ZNF195: variants seen among roughly 807,000 people sequenced by gnomAD.
The protein encoded by ZNF195 is zinc finger protein 195.
A neutral mutation model predicts 19.5 loss-of-function variants in ZNF195; 11 were observed. That is an observed-to-expected ratio of 0.57 (90% CI 0.36 to 0.94). ZNF195 has a LOEUF of 0.94. Ranked by LOEUF, ZNF195 falls within the 40% of genes least tolerant of loss-of-function variation. The probability of loss-of-function intolerance (pLI) is 0.01; values close to 1 mark genes in which losing one functional copy is unlikely to be tolerated. For synonymous variants in ZNF195, 214 were observed against 248.1 expected (o/e 0.86, Z 1.29); for missense variants, 582 against 709.0 (o/e 0.82, Z 2.03).
intron 3 of ZNF195, among the ~76,000 whole-genome samples, chr11:3,366,136 C>T (rs1437436134): frequency 2.0e-5 from 3 of 150,688 alleles, no homozygotes; most frequent in Middle Eastern, 3.4e-3. Flanking sequence ...TGGTGGCGGG[C>T]GCCTGTAGTC....
intron 1 of ZNF195, among the ~76,000 whole-genome samples, chr11:3,377,320 ACCTCCAT>A (rs1849513748): frequency 6.6e-6 from 1 of 152,092 alleles, no homozygotes; most frequent in Admixed American, 6.6e-5. Flanking sequence ...AGATTCTCCC[ACCTCCAT>A]CCTGTTCACC....
chr11:3,369,319 G>A (rs1849063408), intron 3 of ZNF195: 1 of 228,850 alleles, frequency 4.4e-6, no homozygotes, highest in Non-Finnish European at 9.1e-6. Flanking sequence ...ACCAGGGTGG[G>A]GGGGCGTTAT....
Position 3,377,727 on chromosome 11 carries a change from G to C in ZNF195, c.3+1311C>G, listed in dbSNP as rs1849536043. 5 of 1,090,718 alleles carry C rather than the reference G, an allele frequency of 4.6e-6. No individual in the cohort carries two copies. In the South Asian group the frequency reaches 9.6e-5, roughly 21 times the overall value. The allele number at this position is 1,090,718 out of a possible 1,614,324, so 67.6% of individuals were successfully genotyped here. A position where few individuals can be genotyped will look rare whatever the true frequency, so the allele number is the denominator to read the frequency against. On this transcript the variant is annotated intron_variant, in intron 1 of 5. Coordinates refer to ENST00000399602, the MANE Select transcript of ZNF195 (RefSeq NM_001130520.3). Reference sequence around the variant, plus strand: ...GGCTGTCCTCTGAGAAATAACCCAGGGCCTGAAATTCACTAGATGCTCCAG... The same window carrying C: ...GGCTGTCCTCTGAGAAATAACCCAGCGCCTGAAATTCACTAGATGCTCCAG...
chr11:3,371,171 A>G, intron 2 of ZNF195, 101 bp from the exon 3 acceptor site: 1 of 1,113,314 alleles, frequency 9.0e-7, no homozygotes, highest in South Asian at 1.7e-5. Flanking sequence ...GATTCTAGAA[A>G]ATTAATCCCA....
Position 3,359,586 on chromosome 11 carries a change from G to A in ZNF195, c.1422C>T (p.Val474=). 6.2e-7 allele frequency: 1 copy of A among 1,614,172 alleles called. No homozygotes were observed. Among genetic ancestry groups the A allele is most frequent in the Non-Finnish European group, 8.5e-7 (1 of 1,180,034 alleles). The part of the protein sequence containing the change: ...KPYQCEECGK[V]FRTCSSLSNH... ...TAGAAAGGCTTGAGCAAGTTCTGAA[G>A]ACCTTCCCACATTCTTCACATTGGT... The change falls in exon 6 of 6, where the codon GTC becomes GTT. Residue 474 remains valine, a synonymous_variant. Transcript: ENST00000399602. This position sits in a 1 kb window ranked among gnomAD's most constrained non-coding sequence, Gnocchi z 5.5.
chr11:3,373,560 A>T (rs140700113), intron 1 of ZNF195: 1 of 1,542,708 alleles, frequency 6.5e-7, no homozygotes, highest in African/African-American at 1.4e-5. Flanking sequence ...ACAACCCCTG[A>T]CCTGAGATGC....
chr11:3,361,413 C>A (rs1186338032), intron 4 of ZNF195, among the ~76,000 whole-genome samples: 1 of 151,952 alleles, frequency 6.6e-6, no homozygotes, highest in Non-Finnish European at 1.5e-5. Context: ...CATAAATTAA[C>A]TGAAGAAAAT....
At chr11:3,377,923 G>A in intron 1 of ZNF195, 1 of 986,132 alleles carries the variant, frequency 1.0e-6, no homozygotes, top group Non-Finnish European at 1.2e-6. Flanking sequence ...AAAAGGAGGA[G>A]AGGCACAAAG....
rs1849624518 is a variant in ZNF195, at chr11:3,379,082, C to G, written c.-42G>C. ...AGCCTGGCGTTTCACTTCTGGATCT[C>G]CCGGTGCCTGCGGGTCACACGACCT... On this transcript the variant is annotated 5_prime_UTR_variant, in exon 1 of 6. Coordinates refer to ENST00000399602, the MANE Select transcript of ZNF195 (RefSeq NM_001130520.3). 3.3e-6 allele frequency: 5 copies of G among 1,493,010 alleles called. No homozygotes were observed. Among genetic ancestry groups the G allele is most frequent in the Non-Finnish European group, 4.5e-6 (5 of 1,111,446 alleles). 92.5% of individuals were successfully genotyped at this position (1,493,010 alleles called of 1,614,324 possible).
At chr11:3,369,357 C>A in intron 3 of ZNF195, 1 of 256,112 alleles carries the variant, frequency 3.9e-6, no homozygotes, top group Admixed American at 4.6e-5. Context: ...ATAAACCTAC[C>A]CTGCAACGCA....
intron 2 of ZNF195, 91 bp downstream of exon 2, chr11:3,371,486 G>C: frequency 6.5e-7 from 1 of 1,535,148 alleles, no homozygotes; most frequent in Admixed American, 1.8e-5. Flanking sequence ...ACTCATTCAT[G>C]CAACGCAGAA....
intron 3 of ZNF195, among the ~76,000 whole-genome samples, chr11:3,363,085 T>A (rs1249785297): frequency 6.6e-6 from 1 of 152,170 alleles, no homozygotes; most frequent in African/African-American, 2.4e-5. Flanking sequence ...CGTGGGTGCA[T>A]ATTCGTATAT....
Position 3,379,125 on chromosome 11 carries a change from C to T in ZNF195, c.-85G>A. On this transcript the variant is annotated 5_prime_UTR_variant, in exon 1 of 6. The change creates a new upstream start codon in the 5' untranslated region. Coordinates refer to ENST00000399602, the MANE Select transcript of ZNF195 (RefSeq NM_001130520.3). ...CACGACCTACGGCTAGCAGGGGACA[C>T]AGAGCCGCGGGGACAGGAAGTGGAG... 1 of 1,403,728 alleles carries T rather than the reference C, an allele frequency of 7.1e-7. No homozygotes were observed. Among genetic ancestry groups the T allele is most frequent in the South Asian group, 1.6e-5 (1 of 62,258 alleles). The allele number at this position is 1,403,728 out of a possible 1,614,324, so 87.0% of individuals were successfully genotyped here. A position where few individuals can be genotyped will look rare whatever the true frequency, so the allele number is the denominator to read the frequency against.
At position 3,370,992 on chromosome 11, in the gene ZNF195, G is replaced by T; in HGVS notation, c.209C>A (p.Ala70Glu). The change falls in exon 3 of 6, where the codon GCA becomes GAA. Residue 70 changes from alanine (A) to glutamate (E), a missense_variant. Ala to Glu is a moderately radical substitution (Grantham distance 107). This residue lies in a region of ZNF195 where 129 missense variants were observed against 112.1 expected (regional missense o/e 1.15). Transcript: ENST00000399602. ...CCACCCACCTGGATGTCCGTCTGCT[G>T]CCTCCTGTCTCTTCACATTCCAGGG... Reference protein sequence around the residue: ...KEPWNVKRQEAADGHPEMGFH... With the variant: ...KEPWNVKRQEEADGHPEMGFH... 1 of 1,614,030 alleles carries T rather than the reference G, an allele frequency of 6.2e-7. No homozygotes were observed. Among genetic ancestry groups the T allele is most frequent in the East Asian group, 2.2e-5 (1 of 44,884 alleles).
intron 3 of ZNF195, among the ~76,000 whole-genome samples, chr11:3,365,705 TA>T (rs1277436035): frequency 1.3e-5 from 2 of 152,198 alleles, no homozygotes; most frequent in African/African-American, 4.8e-5. Flanking sequence ...TTTCTGATTT[TA>T]AAACATATAA....
In ZNF195 at chr11:3,359,504, T is replaced by C. The variant is rs1230458067; in HGVS notation, c.1504A>G (p.Ile502Val). The C allele has an allele frequency of 6.2e-7, 1 of 1,614,072 alleles. No homozygotes were observed. The highest frequency in any genetic ancestry group is 8.5e-7 in the Non-Finnish European group (1 of 1,180,030). ...KPYTCEECGN[I>V]FKQLSDLTKH... The stretch of plus-strand genomic sequence containing the variant: ...GTGAGGTCTGATAACTGCTTAAAGA[T>C]GTTGCCACATTCTTCACACGTGTAG... Residue 502 changes from isoleucine (I) to valine (V), a missense_variant, in exon 6 of 6, where the codon ATC (isoleucine) becomes GTC (valine). Physicochemically the swap from Ile to Val is conservative, Grantham distance 29. Around this residue, in one of 3 missense-constraint regions of ZNF195, gnomAD observed 407 missense variants for 530.5 expected, o/e 0.77. Transcript: ENST00000399602. The surrounding 1 kb of genome is among the most constrained non-coding windows in gnomAD (Gnocchi z 5.5).
rs1174944812 is a variant in ZNF195 at position 3,371,587 on chromosome 11, C to G, written c.120G>C (p.Leu40Phe). Residue 40 changes from leucine (L) to phenylalanine (F), a missense_variant, in exon 2 of 6, where the codon TTG becomes TTC. Physicochemically the swap from Leu to Phe is conservative, Grantham distance 22. Transcript: ENST00000399602. Reference protein sequence around the residue: ...RDVMLENYRNLFSVGLTVCKP... With the variant: ...RDVMLENYRNFFSVGLTVCKP... ...TGAAGTTATCCTCACCAACGGAGAA[C>G]AAGTTTCTGTAGTTCTCCAACATCA... The G allele has an allele frequency of 6.2e-7, 1 of 1,613,998 alleles. No individual in the cohort carries two copies.
chr11:3,371,665 G>A lies in ZNF195; in HGVS notation c.42C>T (p.Ser14=), dbSNP rs1206973201. 6.2e-7 allele frequency: 1 copy of A among 1,612,836 alleles called. No individual in the cohort carries two copies. Among genetic ancestry groups the A allele is most frequent in the Admixed American group, 1.7e-5 (1 of 59,904 alleles). ...LTFRDVAIEF[S]LEEWKCLDLA... is the part of the protein sequence containing the mutation. ...GGTCCAGGCATTTCCACTCCTCCAGGGAGAATTCTATGGCCACATCCCTGA... is the reference window on the plus strand; with the variant it reads ...GGTCCAGGCATTTCCACTCCTCCAGAGAGAATTCTATGGCCACATCCCTGA... The change falls in exon 2 of 6, where the codon TCC becomes TCT. Residue 14 remains serine, a synonymous_variant. Coordinates refer to ENST00000399602, the MANE Select transcript of ZNF195 (RefSeq NM_001130520.3).
At chr11:3,377,612 G>T in intron 1 of ZNF195, 3 of 1,215,442 alleles carry the variant, frequency 2.5e-6, no homozygotes, top group Non-Finnish European at 3.2e-6. Context: ...GTCCTAAGTG[G>T]TTACCTCTTT....
Sources: gnomAD v4.1 joint callset for allele counts (sites outside exome capture counted in the v4.1 genomes callset) on GRCh38, gnomAD v4.1.1 for gene constraint, gnomAD v4.1.1 regional missense constraint, Gnocchi (gnomAD v3.1) non-coding constraint, MANE v1.5 for transcripts, NCBI Gene and HGNC (gene_info 2026-07-23, HGNC 2026-07-21) for gene names.